RAB38: variants seen among roughly 807,000 people sequenced by gnomAD.
RAB38 encodes ras-related protein Rab-38.
In RAB38, 15 loss-of-function variants were observed where a neutral mutation model predicts 18.4. The observed-to-expected ratio is 0.82, with a 90% CI of 0.55 to 1.26. The LOEUF (loss-of-function observed/expected upper bound fraction) is 1.26, where lower values mean the gene tolerates loss of function less well. RAB38 is among the 50% of genes most tolerant of loss of function. The pLI, the probability that RAB38 is intolerant of heterozygous loss-of-function variation, is 0.00. For missense variants in RAB38, 294 were observed against 267.4 expected (o/e 1.10, Z -0.69); for synonymous variants, 101 against 104.4 (o/e 0.97, Z 0.20).
the RAB38 span, among the ~76,000 whole-genome samples, chr11:87,805,592 C>A: frequency 7.4e-6 from 1 of 135,184 alleles, no homozygotes; most frequent in South Asian, 2.5e-4. Context: ...CAGGGTTCCA[C>A]AGAGAAAACA....
intron 2 of RAB38, among the ~76,000 whole-genome samples, chr11:88,131,567 T>C (rs922567440): frequency 1.3e-5 from 2 of 152,234 alleles, no homozygotes; most frequent in Non-Finnish European, 2.9e-5. Context: ...TTCTGAACTT[T>C]AATCTATGGC....
chr11:87,957,005 C>A, the RAB38 span, among the ~76,000 whole-genome samples: 1 of 151,544 alleles, frequency 6.6e-6, no homozygotes, highest in African/African-American at 2.4e-5. Context: ...CTTGAGTCCT[C>A]ATTTCCGAAC....
At chr11:87,966,191 G>A in the RAB38 span, among the ~76,000 whole-genome samples, 1 of 152,124 alleles carries the variant, frequency 6.6e-6, no homozygotes. Flanking sequence ...AGTAGCCTGA[G>A]AAAATGTGGA....
At chr11:88,153,878 C>T (rs939022626) in intron 1 of RAB38, among the ~76,000 whole-genome samples, 1 of 152,042 alleles carries the variant, frequency 6.6e-6, no homozygotes, top group Admixed American at 6.6e-5. Flanking sequence ...ATGGAAATAG[C>T]AAGATAGTGC....
the RAB38 span, among the ~76,000 whole-genome samples, chr11:88,085,869 AAGG>A: frequency 6.6e-6 from 1 of 151,880 alleles, no homozygotes; most frequent in South Asian, 2.1e-4. Context: ...TGCTTTACAG[AAGG>A]AGAAGAGTTG....
At chr11:87,973,213 C>G in the RAB38 span, among the ~76,000 whole-genome samples, 15 of 151,908 alleles carry the variant, frequency 9.9e-5, no homozygotes, top group African/African-American at 3.4e-4. Context: ...AATAAACAAG[C>G]AAATGATCAT....
chr11:88,085,200 G>A, the RAB38 span, among the ~76,000 whole-genome samples: 3 of 151,920 alleles, frequency 2.0e-5, no homozygotes, highest in African/African-American at 7.2e-5. Context: ...TGGTGATCCT[G>A]CAGGGTGAGA....
At position 88,113,796 on chromosome 11, in the gene RAB38, C is replaced by A; in HGVS notation, c.*192G>T. ...CTAAATATTTTCAAAAGTTTGTAAACACTGTGATGATGGTGAGGAAAGCAT... is the reference window on the plus strand; with the variant it reads ...CTAAATATTTTCAAAAGTTTGTAAAAACTGTGATGATGGTGAGGAAAGCAT... On this transcript the variant is annotated 3_prime_UTR_variant, in exon 3 of 3. Transcript: ENST00000243662. 1 of 680,256 alleles carries A rather than the reference C, an allele frequency of 1.5e-6. No individual in the cohort carries two copies. The highest frequency in any genetic ancestry group is 2.4e-6 in the Non-Finnish European group (1 of 419,636). The allele number at this position is 680,256 out of a possible 1,614,324, so 42.1% of individuals were successfully genotyped here. A position where few individuals can be genotyped will look rare whatever the true frequency, so the allele number is the denominator to read the frequency against.
the RAB38 span, among the ~76,000 whole-genome samples, chr11:87,914,664 G>T: frequency 2.6e-5 from 4 of 152,248 alleles, no homozygotes; most frequent in East Asian, 7.7e-4. Context: ...ACGTAATAGT[G>T]AAAACACTGA....
the RAB38 span, among the ~76,000 whole-genome samples, chr11:87,868,053 T>C: frequency 6.6e-6 from 1 of 151,884 alleles, no homozygotes; most frequent in Non-Finnish European, 1.5e-5. Flanking sequence ...TCACATAGAA[T>C]ATCTTGAAAT....
chr11:88,079,235 A>C, the RAB38 span, among the ~76,000 whole-genome samples: 1 of 151,846 alleles, frequency 6.6e-6, no homozygotes, highest in Non-Finnish European at 1.5e-5. Context: ...ATCTGAACCA[A>C]AGGAGGAAAC....
the RAB38 span, among the ~76,000 whole-genome samples, chr11:88,019,988 C>A: frequency 6.6e-6 from 1 of 152,086 alleles, no homozygotes; most frequent in African/African-American, 2.4e-5. Flanking sequence ...TAGACCAGTG[C>A]CTGGTGTATG....
the RAB38 span, among the ~76,000 whole-genome samples, chr11:88,080,449 A>G: frequency 2.6e-5 from 4 of 151,910 alleles, no homozygotes; most frequent in Non-Finnish European, 5.9e-5. Flanking sequence ...ACTACTCAAC[A>G]TTGTTAGGGT....
the RAB38 span, among the ~76,000 whole-genome samples, chr11:87,937,662 TTA>T: frequency 6.6e-6 from 1 of 151,982 alleles, no homozygotes; most frequent in Admixed American, 6.6e-5. Flanking sequence ...TGGTGGTAGT[TTA>T]TGTTTTCAAA....
At chr11:88,041,071 G>GT in the RAB38 span, among the ~76,000 whole-genome samples, 52 of 152,260 alleles carry the variant, frequency 3.4e-4, no homozygotes, top group African/African-American at 1.2e-3. Flanking sequence ...CTCCAGAGAA[G>GT]TTTCCAGTAT....
the RAB38 span, among the ~76,000 whole-genome samples, chr11:87,943,078 G>A: frequency 0.14 from 21,420 of 152,014 alleles, 1,708 homozygotes; most frequent in South Asian, 0.32. Context: ...AGTCAAATAG[G>A]TTCAAGAAAT....
At chr11:87,963,078 CTATT>C in the RAB38 span, among the ~76,000 whole-genome samples, 1 of 152,066 alleles carries the variant, frequency 6.6e-6, no homozygotes, top group Admixed American at 6.6e-5. Context: ...ATTATTTTAA[CTATT>C]TATAATAATT....
chr11:88,150,423 T>C (rs778909696), intron 1 of RAB38, among the ~76,000 whole-genome samples: 2 of 152,158 alleles, frequency 1.3e-5, no homozygotes, highest in African/African-American at 2.4e-5. Context: ...TTCTAAATAT[T>C]TGGGATACTC....
chr11:87,876,986 G>C, the RAB38 span, among the ~76,000 whole-genome samples: 1 of 151,598 alleles, frequency 6.6e-6, no homozygotes, highest in South Asian at 2.1e-4. Context: ...TGTGAAATCA[G>C]TGTGCATTTT....
Sources: gnomAD v4.1 joint callset for allele counts (sites outside exome capture counted in the v4.1 genomes callset) on GRCh38, gnomAD v4.1.1 for gene constraint, MANE v1.5 for transcripts, NCBI Gene and HGNC (gene_info 2026-07-23, HGNC 2026-07-21) for gene names.